The following DLGAP1 variants were observed in gnomAD, a reference collection of about 807,000 sequenced individuals.
DLGAP1 encodes disks large-associated protein 1.
DLGAP1 carries 11 observed loss-of-function variants against 90.8 expected under a neutral mutation model. That is an observed-to-expected ratio of 0.12 (90% confidence interval 0.08 to 0.20). The LOEUF is 0.20. Among genes scored for constraint, DLGAP1 ranks in the 10% least tolerant of loss-of-function variants. The probability of loss-of-function intolerance (pLI) is 1.00; values close to 1 mark genes in which losing one functional copy is unlikely to be tolerated. For missense variants in DLGAP1, 1,050 were observed against 1,333.8 expected, an observed-to-expected ratio of 0.79 and a Z score of 3.31; for synonymous variants, 558 against 540.7, an observed-to-expected ratio of 1.03 and a Z score of -0.44.
intron 11 of DLGAP1, among the ~76,000 whole-genome samples, chr18:3,506,287 G>A (rs1464022270): frequency 6.6e-6 from 1 of 151,016 alleles, no homozygotes; most frequent in Non-Finnish European, 1.5e-5. Flanking sequence ...GCCGAGGCGG[G>A]CAGATCACCT....
intron 2 of DLGAP1, among the ~76,000 whole-genome samples, chr18:4,118,564 A>G (rs773519404): frequency 6.6e-6 from 1 of 152,092 alleles, no homozygotes; most frequent in Non-Finnish European, 1.5e-5. Context: ...CCCGCCTACA[A>G]TGGAATTTCT....
intron 7 of DLGAP1, among the ~76,000 whole-genome samples, chr18:3,638,656 A>C (rs1171730652): frequency 6.6e-6 from 1 of 152,210 alleles, no homozygotes; most frequent in Admixed American, 6.5e-5. Flanking sequence ...TTTATACTTT[A>C]TAAAGATCAC....
intron 4 of DLGAP1, among the ~76,000 whole-genome samples, chr18:3,877,719 G>C (rs76687394): frequency 6.6e-6 from 1 of 152,114 alleles, no homozygotes. Context: ...ACATGCTAAC[G>C]GTTTAACCCA....
intron 7 of DLGAP1, among the ~76,000 whole-genome samples, chr18:3,640,053 C>T (rs904378260): frequency 6.6e-6 from 1 of 151,860 alleles, no homozygotes; most frequent in African/African-American, 2.4e-5. Context: ...GGCACCCGGC[C>T]CCAGAGTTGC....
intron 2 of DLGAP1, among the ~76,000 whole-genome samples, chr18:4,021,522 C>T (rs2074608488): frequency 6.6e-6 from 1 of 152,190 alleles, no homozygotes; most frequent in African/African-American, 2.4e-5. Context: ...GTACAGCCTC[C>T]AGAACCTCAA....
intron 3 of DLGAP1, among the ~76,000 whole-genome samples, chr18:3,931,936 T>A (rs538080448): frequency 6.6e-6 from 1 of 152,248 alleles, no homozygotes; most frequent in African/African-American, 2.4e-5. Flanking sequence ...GGTTGATGGA[T>A]CTACAGTGCT....
At position 4,083,942 on chromosome 18, in the gene DLGAP1, C is replaced by A. The variant is rs182252877; in HGVS notation, c.-159+67238G>T. On this transcript the variant is annotated intron_variant, in intron 2 of 12. Coordinates refer to ENST00000315677, the MANE Select transcript of DLGAP1 (RefSeq NM_004746.4). ...CTAGGACAGAGGGCTTTCTGTTTCC[C>A]GGGGTTCTTGCCTTAGTGTACTGGA... 1.3e-3 allele frequency among the ~76,000 whole-genome samples: 195 copies of A among 152,202 alleles called. 3 individuals carry two copies. The East Asian group carries it at 0.032, about 25-fold the overall frequency.
At chr18:3,972,193 C>T (rs1233968972) in intron 3 of DLGAP1, among the ~76,000 whole-genome samples, 1 of 151,500 alleles carries the variant, frequency 6.6e-6, no homozygotes, top group African/African-American at 2.4e-5. Context: ...AAAAATACAA[C>T]ACCTCAAGGC....
chr18:3,560,899 A>G (rs1415140679), intron 9 of DLGAP1, among the ~76,000 whole-genome samples: 4 of 150,764 alleles, frequency 2.7e-5, no homozygotes. Context: ...AGTTTGCATT[A>G]TGTATTTACC....
In DLGAP1 at chr18:4,311,375, C is replaced by T. The variant is rs893071727; in HGVS notation, c.-267+143631G>A. Among the ~76,000 whole-genome samples the T allele has an allele frequency of 4.6e-5, 7 of 152,302 alleles. 1 individual carries two copies. In the South Asian group the frequency reaches 8.3e-4, roughly 18 times the overall value. ...ATTACAGTGGTTGTTTCACTCATGT[C>T]GGCTTTATTTAGATAATAAGCTCAA... On this transcript the variant is annotated intron_variant, in intron 1 of 12. Coordinates refer to ENST00000315677, the MANE Select transcript of DLGAP1 (RefSeq NM_004746.4).
chr18:3,940,104 C>A (rs1364172010), intron 3 of DLGAP1, among the ~76,000 whole-genome samples: 1 of 152,210 alleles, frequency 6.6e-6, no homozygotes, highest in Non-Finnish European at 1.5e-5. Flanking sequence ...GGATCAGTTG[C>A]TCTGAAGGAA....
chr18:3,988,997 G>C (rs1229175154), intron 3 of DLGAP1, among the ~76,000 whole-genome samples: 1 of 152,186 alleles, frequency 6.6e-6, no homozygotes, highest in Non-Finnish European at 1.5e-5. Context: ...AGAACATGAG[G>C]TTATGGCAGG....
intron 1 of DLGAP1, among the ~76,000 whole-genome samples, chr18:4,423,245 G>C (rs922162232): frequency 6.6e-6 from 1 of 152,106 alleles, no homozygotes. Context: ...TGTCCTGTTA[G>C]AGTTTTATGG....
intron 5 of DLGAP1, among the ~76,000 whole-genome samples, chr18:3,793,846 G>C (rs978075116): frequency 6.6e-6 from 1 of 152,036 alleles, no homozygotes; most frequent in African/African-American, 2.4e-5. Flanking sequence ...CACTTTCTCT[G>C]AACAGCACCT....
intron 7 of DLGAP1, among the ~76,000 whole-genome samples, chr18:3,628,076 A>G (rs2058370944): frequency 6.6e-6 from 1 of 150,546 alleles, no homozygotes; most frequent in Admixed American, 6.6e-5. Flanking sequence ...GGCTTTCACT[A>G]TGTTGGCCAG....
At position 4,454,213 on chromosome 18, in the gene DLGAP1, C is replaced by T. The variant is rs1486801865; in HGVS notation, c.-267+793G>A. ...CCGAAGGTGCCTCTCCCAGCTGCAG[C>T]CGCCCCTCAATGAAAGTGCAATGTG... On this transcript the variant is annotated intron_variant, in intron 1 of 12. Transcript: ENST00000315677. The surrounding 1 kb of genome is among the most constrained non-coding windows in gnomAD (Gnocchi z 4.7). 6.6e-6 allele frequency among the ~76,000 whole-genome samples: 1 copy of T among 152,202 alleles called. No homozygotes were observed. The highest frequency in any genetic ancestry group is 1.5e-5 in the Non-Finnish European group (1 of 68,036).
At chr18:3,896,018 TATCTA>T (rs569996503) in intron 3 of DLGAP1, 1 of 152,246 alleles carries the variant, frequency 6.6e-6, no homozygotes, top group South Asian at 2.1e-4. Flanking sequence ...GCTACAGAAT[TATCTA>T]ACTAGTATTT....
intron 2 of DLGAP1, among the ~76,000 whole-genome samples, chr18:4,065,981 G>A (rs1470969295): frequency 6.6e-6 from 1 of 152,052 alleles, no homozygotes; most frequent in African/African-American, 2.4e-5. Context: ...ATAGACCAAG[G>A]GAACAGCATA....
At chr18:3,558,336 G>A (rs2053877834) in intron 9 of DLGAP1, among the ~76,000 whole-genome samples, 1 of 152,122 alleles carries the variant, frequency 6.6e-6, no homozygotes, top group Non-Finnish European at 1.5e-5. Context: ...GGATTCAAGT[G>A]ACTCTCCTGC....
Sources: gnomAD v4.1 joint callset for allele counts (sites outside exome capture counted in the v4.1 genomes callset) on GRCh38, gnomAD v4.1.1 for gene constraint, Gnocchi (gnomAD v3.1) non-coding constraint, MANE v1.5 for transcripts, NCBI Gene and HGNC (gene_info 2026-07-23, HGNC 2026-07-21) for gene names.